The following SLC24A2 variants were observed in gnomAD, a reference collection of about 807,000 sequenced individuals.
The protein encoded by SLC24A2 is solute carrier family 24 member 2.
Under a neutral mutation model 62.0 loss-of-function variants are expected in SLC24A2, and 36 were observed. The ratio of observed to expected loss-of-function variants is 0.58; its 90% CI spans 0.44 to 0.77. The LOEUF (loss-of-function observed/expected upper bound fraction) is 0.77. Ranked by LOEUF, SLC24A2 falls within the 30% of genes least tolerant of loss-of-function variation. SLC24A2 has a pLI of 0.00. For missense variants in SLC24A2, 846 were observed against 817.9 expected (o/e 1.03, Z -0.42); for synonymous variants, 358 against 294.0 (o/e 1.22, Z -2.23).
intron 2 of SLC24A2, among the ~76,000 whole-genome samples, chr9:19,695,745 A>G (rs1212751948): frequency 2.0e-5 from 3 of 150,928 alleles, no homozygotes; most frequent in African/African-American, 7.3e-5. Flanking sequence ...GAATGGATAG[A>G]TTAATTATAG....
intron 2 of SLC24A2, among the ~76,000 whole-genome samples, chr9:19,740,320 A>G (rs1821635523): frequency 6.6e-6 from 1 of 152,224 alleles, no homozygotes; most frequent in Non-Finnish European, 1.5e-5. Context: ...AGAGCTGGAA[A>G]TAAGCCAATT....
chr9:19,738,809 T>C (rs1261341037), intron 2 of SLC24A2, among the ~76,000 whole-genome samples: 1 of 152,116 alleles, frequency 6.6e-6, no homozygotes, highest in Non-Finnish European at 1.5e-5. Context: ...AAATATTTTA[T>C]TTAAAATAAC....
chr9:20,118,584 A>G, the SLC24A2 span, among the ~76,000 whole-genome samples: 20 of 152,128 alleles, frequency 1.3e-4, no homozygotes, highest in African/African-American at 4.8e-4. Flanking sequence ...TTTACCAACA[A>G]AACCTTAGGT....
At chr9:19,647,189 T>C (rs1350283980) in intron 2 of SLC24A2, among the ~76,000 whole-genome samples, 2 of 152,068 alleles carry the variant, frequency 1.3e-5, no homozygotes, top group African/African-American at 4.8e-5. Flanking sequence ...CCTACTAGGT[T>C]GTGAACTCTT....
chr9:20,035,848 T>G, the SLC24A2 span, among the ~76,000 whole-genome samples: 1 of 152,320 alleles, frequency 6.6e-6, no homozygotes, highest in Admixed American at 6.5e-5. Context: ...TCATCCAATT[T>G]CATGTCAAAA....
chr9:19,956,466 CT>C, the SLC24A2 span, among the ~76,000 whole-genome samples: 1 of 152,128 alleles, frequency 6.6e-6, no homozygotes, highest in African/African-American at 2.4e-5. Context: ...TTGTATTAGT[CT>C]GTTTTCACGC....
intron 8 of SLC24A2, among the ~76,000 whole-genome samples, chr9:19,547,963 G>C (rs1335673668): frequency 6.6e-6 from 1 of 151,686 alleles, no homozygotes; most frequent in East Asian, 1.9e-4. Flanking sequence ...CCTTTGCATA[G>C]TGCAGATGCT....
At chr9:19,620,403 C>T (rs1817880347) in intron 3 of SLC24A2, among the ~76,000 whole-genome samples, 1 of 152,148 alleles carries the variant, frequency 6.6e-6, no homozygotes, top group South Asian at 2.1e-4. Context: ...AGCAGCATAG[C>T]TTGTGTTAAG....
chr9:19,856,342 A>T, the SLC24A2 span, among the ~76,000 whole-genome samples: 1 of 152,118 alleles, frequency 6.6e-6, no homozygotes, highest in Non-Finnish European at 1.5e-5. Flanking sequence ...AGGAGTTACG[A>T]TCATTTGGAG....
At chr9:19,820,752 A>G in the SLC24A2 span, among the ~76,000 whole-genome samples, 3 of 151,732 alleles carry the variant, frequency 2.0e-5, no homozygotes, top group Non-Finnish European at 2.9e-5. Flanking sequence ...AGGGGATTAC[A>G]TTGCTGAGTA....
chr9:20,135,726 TA>T, the SLC24A2 span, among the ~76,000 whole-genome samples: 1 of 152,108 alleles, frequency 6.6e-6, no homozygotes, highest in Non-Finnish European at 1.5e-5. Flanking sequence ...TAGTTTTGCT[TA>T]TTTTTTTTTA....
the SLC24A2 span, among the ~76,000 whole-genome samples, chr9:20,295,969 A>G: frequency 6.6e-6 from 1 of 152,182 alleles, no homozygotes; most frequent in Non-Finnish European, 1.5e-5. Context: ...TAAATTTTGT[A>G]TTGGGGAAAT....
chr9:19,523,883 C>T (rs1239062674), intron 9 of SLC24A2, among the ~76,000 whole-genome samples: 1 of 152,098 alleles, frequency 6.6e-6, no homozygotes, highest in East Asian at 1.9e-4. Context: ...TCATGGAAAA[C>T]TTCATGAGAA....
chr9:20,198,591 A>T, the SLC24A2 span, among the ~76,000 whole-genome samples: 1 of 151,984 alleles, frequency 6.6e-6, no homozygotes, highest in South Asian at 2.1e-4. Context: ...TATTTCATAT[A>T]CTCATGGCTG....
the SLC24A2 span, among the ~76,000 whole-genome samples, chr9:19,941,556 AGTGTGTGTGTGTGT>A: frequency 1.3e-3 from 178 of 134,158 alleles, no homozygotes; most frequent in Non-Finnish European, 2.2e-3. Flanking sequence ...GAGGACTGGG[AGTGTGTGTGTGTGT>A]GTGTGTGTGT....
chr9:20,177,081 C>T, the SLC24A2 span, among the ~76,000 whole-genome samples: 1 of 152,050 alleles, frequency 6.6e-6, no homozygotes, highest in Non-Finnish European at 1.5e-5. Flanking sequence ...CCATAGGTCT[C>T]CATAGCAAAT....
chr9:20,142,691 G>C, the SLC24A2 span, among the ~76,000 whole-genome samples: 16 of 152,250 alleles, frequency 1.1e-4, no homozygotes, highest in African/African-American at 3.6e-4. Flanking sequence ...CCACCCCTGG[G>C]TTCAAGAGAT....
At chr9:19,554,783 G>C (rs970471276) in intron 7 of SLC24A2, among the ~76,000 whole-genome samples, 1 of 152,132 alleles carries the variant, frequency 6.6e-6, no homozygotes, top group Non-Finnish European at 1.5e-5. Flanking sequence ...CCATGGGGTG[G>C]AGGAACAATA....
chr9:20,098,490 G>A, the SLC24A2 span, among the ~76,000 whole-genome samples: 1 of 152,032 alleles, frequency 6.6e-6, no homozygotes, highest in Admixed American at 6.5e-5. Flanking sequence ...TTACCCTCTA[G>A]GCCCAAACCA....
Sources: allele counts gnomAD v4.1 joint callset (sites outside exome capture counted in the v4.1 genomes callset), GRCh38; gene constraint gnomAD v4.1.1; transcripts MANE v1.5; gene names NCBI Gene and HGNC (gene_info 2026-07-23, HGNC 2026-07-21).